Variants in USP31 observed in about 807,000 individuals in gnomAD.
USP31 encodes the protein ubiquitin carboxyl-terminal hydrolase 31.
A neutral mutation model predicts 119.4 loss-of-function variants in USP31; 44 were observed. The observed-to-expected ratio is 0.37, with a 90% CI of 0.29 to 0.47. The LOEUF (loss-of-function observed/expected upper bound fraction) is 0.47, where lower values mean the gene tolerates loss of function less well. Among genes scored for constraint, USP31 ranks in the 20% least tolerant of loss-of-function variants. USP31 has a pLI of 0.99. For synonymous variants in USP31, 749 were observed against 705.6 expected (o/e 1.06, Z -0.97); for missense variants, 1,643 against 1,730.2 (o/e 0.95, Z 0.89).
chr16:23,077,187 C>CTA (rs1410385831), intron 13 of USP31, among the ~76,000 whole-genome samples: 1 of 152,202 alleles, frequency 6.6e-6, no homozygotes, highest in Non-Finnish European at 1.5e-5. Flanking sequence ...CTTGAAAGCG[C>CTA]TTCCTACAGC....
rs1902464965 is a variant in USP31 at position 23,115,680 on chromosome 16, G to A, written c.634-7497C>T. On this transcript the variant is annotated intron_variant, in intron 1 of 15. Transcript: ENST00000219689. ...TATACATCCTACTATAAACACATTT[G>A]ACCCCTGCTCCTATTATCCCCTCAC... 1.2e-5 allele frequency: 8 copies of A among 653,156 alleles called. No individual in the cohort carries two copies. In the South Asian group the frequency reaches 4.8e-4, roughly 39 times the overall value. The allele number at this position is 653,156 out of a possible 1,614,324, so 40.5% of individuals were successfully genotyped here. A position where few individuals can be genotyped will look rare whatever the true frequency, so the allele number is the denominator to read the frequency against.
At chr16:23,146,247 G>A in intron 1 of USP31, among the ~76,000 whole-genome samples, 1 of 131,358 alleles carries the variant, frequency 7.6e-6, no homozygotes, top group South Asian at 2.9e-4. Context: ...GGTGGGGGGC[G>A]GGGGGTGGAC....
chr16:23,111,162 A>C (rs981154440), intron 1 of USP31, among the ~76,000 whole-genome samples: 2 of 152,110 alleles, frequency 1.3e-5, no homozygotes, highest in African/African-American at 4.8e-5. Flanking sequence ...TTAAATAAAA[A>C]TAAAAAAGAC....
intron 1 of USP31, among the ~76,000 whole-genome samples, chr16:23,133,041 C>T (rs1167913243): frequency 6.6e-6 from 1 of 152,186 alleles, no homozygotes; most frequent in Non-Finnish European, 1.5e-5. Flanking sequence ...CACTATGAAG[C>T]ATGTGACTGC....
At position 23,067,621 on chromosome 16, in the gene USP31, A is replaced by G; in HGVS notation, c.*425T>C. On this transcript the variant is annotated 3_prime_UTR_variant, in exon 16 of 16. Coordinates refer to ENST00000219689, the MANE Select transcript of USP31 (RefSeq NM_020718.4). ...CCTGGTGCCACCCACAATCCACAGT[A>G]AGGACAAGTCCTGCTCAGAAGAAAC... 6.4e-6 allele frequency: 1 copy of G among 155,680 alleles called. No homozygotes were observed. Among genetic ancestry groups the G allele is most frequent in the South Asian group, 2.0e-4 (1 of 4,896 alleles). 9.6% of individuals were successfully genotyped at this position (155,680 alleles called of 1,614,324 possible).
intron 7 of USP31, among the ~76,000 whole-genome samples, chr16:23,088,301 C>T (rs1235159451): frequency 6.6e-6 from 1 of 152,192 alleles, no homozygotes; most frequent in Non-Finnish European, 1.5e-5. Flanking sequence ...AGAGCTATGT[C>T]CCACAGAGTC....
intron 13 of USP31, chr16:23,079,032 G>A (rs1037695730): frequency 6.6e-6 from 1 of 152,314 alleles, no homozygotes; most frequent in Admixed American, 6.5e-5. Flanking sequence ...CACAGAGACA[G>A]AAAGTATGGT....
chr16:23,105,358 G>T, intron 5 of USP31, 83 bp downstream of exon 5: 1 of 1,413,866 alleles, frequency 7.1e-7, no homozygotes, highest in Admixed American at 2.5e-5. Flanking sequence ...ACCATACTTG[G>T]CAAAGAACTG....
intron 1 of USP31, among the ~76,000 whole-genome samples, chr16:23,132,833 C>T (rs560867308): frequency 4.6e-5 from 7 of 152,284 alleles, no homozygotes; most frequent in Admixed American, 2.0e-4. Context: ...TTTTTCCAAT[C>T]GTCAAGAGTG....
rs762179485 is a variant in USP31 at position 23,069,113 on chromosome 16, C to T, written c.2992G>A (p.Val998Ile). Residue 998 changes from valine to isoleucine, a missense_variant, in exon 16 of 16, where the codon GTA (valine) becomes ATA (isoleucine). By Grantham distance (29) the Val-to-Ile change is conservative. Around this residue, in one of 5 missense-constraint regions of USP31, gnomAD observed 699 missense variants for 650.9 expected, o/e 1.07. Transcript: ENST00000219689. ...ACCTCTTTGACTGGAGAGCTGTCTA[C>T]GGAGTCGCTCTGATCCACATAAGCG... ...QIAYVDQSDS[V>I]DSSPVKEVKA... 1.5e-5 allele frequency: 24 copies of T among 1,612,930 alleles called. No homozygotes were observed. Among genetic ancestry groups the T allele is most frequent in the African/African-American group, 4.0e-5 (3 of 74,914 alleles).
intron 14 of USP31, 50 bp downstream of exon 14, chr16:23,073,672 A>G: frequency 2.5e-6 from 4 of 1,596,166 alleles, no homozygotes; most frequent in Non-Finnish European, 2.6e-6. Flanking sequence ...ACCATTCATT[A>G]CAATCTTTTG....
chr16:23,068,785 A>C lies in USP31; in HGVS notation c.3320T>G (p.Val1107Gly), dbSNP rs763997280. ...CTGCTTCTGTGGCGAAGGAGATGAC[A>C]CGGAGTCCTGAGATTTCGGGGATGA... ...KESSPKSQDS[V>G]SSPSPQKQKS... The change falls in exon 16 of 16, where the codon GTG becomes GGG. Residue 1107 changes from valine to glycine, a missense_variant. Val to Gly is a moderately radical substitution (Grantham distance 109, BLOSUM62 -3). This residue lies in a region of USP31 where 699 missense variants were observed against 650.9 expected (regional missense o/e 1.07). Transcript: ENST00000219689. 9 of 1,570,284 alleles carry C rather than the reference A, an allele frequency of 5.7e-6. No homozygotes were observed. Among genetic ancestry groups the C allele is most frequent in the Middle Eastern group, 1.7e-4 (1 of 5,838 alleles).
chr16:23,114,209 G>A (rs900709087), intron 1 of USP31, among the ~76,000 whole-genome samples: 6 of 152,220 alleles, frequency 3.9e-5, no homozygotes. Context: ...AGGAGAGATG[G>A]AAGAGAAGGA....
At position 23,148,821 on chromosome 16, in the gene USP31, C is replaced by G. The variant is rs763022194; in HGVS notation, c.450G>C (p.Glu150Asp). The G allele has an allele frequency of 1.9e-6, 3 of 1,538,962 alleles. No homozygotes were observed. Among genetic ancestry groups the G allele is most frequent in the African/African-American group, 1.4e-5 (1 of 69,866 alleles). The change falls in exon 1 of 16, where the codon GAG becomes GAC. Residue 150 changes from glutamate to aspartate, a missense_variant. By Grantham distance (45) the Glu-to-Asp change is conservative. Coordinates refer to ENST00000219689, the MANE Select transcript of USP31 (RefSeq NM_020718.4). ...CCAGCGCCAGGTACTCGGCGAAGAG[C>G]TCGGTGTTGCTGAGGCACTGCAGCG... ...NATLQCLSNT[E>D]LFAEYLALGQ...
At chr16:23,134,164 A>T (rs938729922) in intron 1 of USP31, among the ~76,000 whole-genome samples, 4 of 152,096 alleles carry the variant, frequency 2.6e-5, no homozygotes, top group Non-Finnish European at 5.9e-5. Context: ...TGACAAAATG[A>T]TTCTAAAATT....
At chr16:23,129,790 T>TA (rs1018291609) in intron 1 of USP31, among the ~76,000 whole-genome samples, 1 of 152,210 alleles carries the variant, frequency 6.6e-6, no homozygotes, top group African/African-American at 2.4e-5. Context: ...GAGGAAGCCA[T>TA]AACGTCCAAC....
At chr16:23,111,115 G>A (rs966390028) in intron 1 of USP31, among the ~76,000 whole-genome samples, 7 of 152,160 alleles carry the variant, frequency 4.6e-5, no homozygotes, top group African/African-American at 7.2e-5. Flanking sequence ...ACGACAGAGC[G>A]AGACTCCGTC....
intron 1 of USP31, among the ~76,000 whole-genome samples, chr16:23,113,426 C>T (rs1016650540): frequency 2.0e-5 from 3 of 151,974 alleles, no homozygotes; most frequent in Non-Finnish European, 2.9e-5. Flanking sequence ...AAAAGCTGCC[C>T]GTGAAGAAGC....
At position 23,148,743 on chromosome 16, in the gene USP31, C is replaced by T; in HGVS notation, c.528G>A (p.Ala176=). Residue 176 remains alanine, a synonymous_variant, in exon 1 of 16, where the codon GCG becomes GCA. Transcript: ENST00000219689. ...PEPSPDPEQP[A]GRGAQGQGEV... ...CGCCCTGGCCCTGCGCGCCGCGGCC[C>T]GCAGGCTGCTCCGGGTCAGGCGAGG... 1 of 1,494,774 alleles carries T rather than the reference C, an allele frequency of 6.7e-7. No homozygotes were observed. The highest frequency in any genetic ancestry group is 2.5e-5 in the Admixed American group (1 of 40,336). 92.6% of individuals were successfully genotyped at this position (1,494,774 alleles called of 1,614,324 possible). A position where few individuals can be genotyped will look rare whatever the true frequency, so the allele number is the denominator to read the frequency against.
Sources: allele counts gnomAD v4.1 joint callset (sites outside exome capture counted in the v4.1 genomes callset), GRCh38; gene constraint gnomAD v4.1.1; regional missense constraint gnomAD v4.1.1; transcripts MANE v1.5; gene names NCBI Gene and HGNC (gene_info 2026-07-23, HGNC 2026-07-21).